The following TNNI3K variants were observed in gnomAD, a reference collection of about 807,000 sequenced individuals.
The protein encoded by TNNI3K is serine/threonine-protein kinase TNNI3K.
TNNI3K carries 140 observed loss-of-function variants against 114.5 expected under a neutral mutation model. The ratio of observed to expected loss-of-function variants is 1.22; its 90% CI spans 1.07 to 1.41. The LOEUF (loss-of-function observed/expected upper bound fraction) is 1.41. Among genes scored for constraint, TNNI3K ranks in the 40% most tolerant of loss-of-function variants. TNNI3K has a pLI of 0.00. For missense variants in TNNI3K, 1,125 were observed against 1,007.6 expected (o/e 1.12, Z -1.58); for synonymous variants, 347 against 347.5 (o/e 1.00, Z 0.02).
chr1:74,280,753 A>G (rs1164008928), intron 5 of TNNI3K, among the ~76,000 whole-genome samples: 1 of 152,190 alleles, frequency 6.6e-6, no homozygotes, highest in East Asian at 1.9e-4. Flanking sequence ...GACAGGCCTC[A>G]GGGACTACAG....
chr1:74,526,033 T>C (rs1180408109), intron 23 of TNNI3K, among the ~76,000 whole-genome samples: 1 of 152,214 alleles, frequency 6.6e-6, no homozygotes, highest in Non-Finnish European at 1.5e-5. Flanking sequence ...AGAGGTTTGG[T>C]ATACATTCGC....
intron 9 of TNNI3K, among the ~76,000 whole-genome samples, chr1:74,347,129 T>C (rs1414790743): frequency 1.3e-5 from 2 of 149,662 alleles, no homozygotes; most frequent in Non-Finnish European, 3.0e-5. Context: ...TACGTATATC[T>C]CCTAATGCTA....
intron 9 of TNNI3K, among the ~76,000 whole-genome samples, chr1:74,347,618 C>G (rs191568624): frequency 1.3e-5 from 2 of 152,180 alleles, no homozygotes; most frequent in Non-Finnish European, 2.9e-5. Flanking sequence ...GTCCCACCAA[C>G]AGTGTAAAAG....
At chr1:74,250,831 CTTT>C (rs11437074) in intron 4 of TNNI3K, 62 bp downstream of exon 4, 825 of 958,378 alleles carry the variant, frequency 8.6e-4, no homozygotes, top group South Asian at 2.0e-3. Context: ...TATCTTTAGG[CTTT>C]TTTTTTTTTT....
chr1:74,343,348 G>T (rs773785453), intron 9 of TNNI3K, among the ~76,000 whole-genome samples, 169 bp downstream of exon 9: 24 of 152,208 alleles, frequency 1.6e-4, no homozygotes, highest in Non-Finnish European at 3.5e-4. Context: ...GGAAGAAAAG[G>T]TGGAGGCAGA....
At chr1:74,507,942 G>A (rs1263003846) in intron 23 of TNNI3K, among the ~76,000 whole-genome samples, 2 of 152,158 alleles carry the variant, frequency 1.3e-5, no homozygotes, top group African/African-American at 2.4e-5. Flanking sequence ...AGTTTGCCAG[G>A]AACCAAAGAT....
At chr1:74,514,111 A>G (rs541911892) in intron 23 of TNNI3K, among the ~76,000 whole-genome samples, 105 of 152,356 alleles carry the variant, frequency 6.9e-4, no homozygotes, top group Non-Finnish European at 1.3e-3. Context: ...GCACACCAAA[A>G]TAGAAGCTTC....
chr1:74,320,623 T>C (rs921759435), intron 5 of TNNI3K, among the ~76,000 whole-genome samples: 2 of 152,214 alleles, frequency 1.3e-5, no homozygotes, highest in Non-Finnish European at 2.9e-5. Flanking sequence ...GATTTAATTG[T>C]TAATGTTGTC....
intron 21 of TNNI3K, chr1:74,483,395 C>T: frequency 1.4e-6 from 1 of 715,732 alleles, no homozygotes; most frequent in Non-Finnish European, 2.6e-6. Context: ...AAGTAGAGGG[C>T]AATGTATATC....
chr1:74,436,449 G>A (rs748056526), intron 18 of TNNI3K, 25 bp from the exon 19 acceptor site: 28 of 1,562,496 alleles, frequency 1.8e-5, no homozygotes, highest in Non-Finnish European at 2.2e-5. Context: ...TTCCTTTGAC[G>A]TGATTTATTT....
rs369101975 is a variant in TNNI3K, at chr1:74,281,621, A to G, written c.444+9913A>G. ...AGTTTCTTTTTCGATCTTTCAGCAG[A>G]ATATTCTTCTCATAAATTTGTTAAA... On this transcript the variant is annotated intron_variant, in intron 5 of 24. Transcript: ENST00000326637. Among the ~76,000 whole-genome samples the G allele has an allele frequency of 2.6e-3, 394 of 152,200 alleles. 3 individuals are homozygous for G. Among genetic ancestry groups the G allele is most frequent in the South Asian group, 0.024 (118 of 4,818 alleles).
At chr1:74,242,051 G>A (rs1482345049) in intron 2 of TNNI3K, among the ~76,000 whole-genome samples, 2 of 151,792 alleles carry the variant, frequency 1.3e-5, no homozygotes, top group East Asian at 3.9e-4. Flanking sequence ...GGGTTTCACT[G>A]TGTTAGCCAG....
intron 4 of TNNI3K, among the ~76,000 whole-genome samples, chr1:74,260,371 A>G (rs138847321): frequency 4.2e-4 from 64 of 152,250 alleles, no homozygotes; most frequent in Middle Eastern, 3.4e-3. Context: ...ACATTTGTTG[A>G]TATTATGTAG....
intron 5 of TNNI3K, among the ~76,000 whole-genome samples, chr1:74,296,609 C>T (rs1248661234): frequency 6.6e-6 from 1 of 151,912 alleles, no homozygotes; most frequent in Non-Finnish European, 1.5e-5. Context: ...CTTTAATGCA[C>T]ATATACTGGG....
intron 5 of TNNI3K, among the ~76,000 whole-genome samples, chr1:74,318,712 T>G (rs1659451758): frequency 6.6e-6 from 1 of 152,258 alleles, no homozygotes; most frequent in Non-Finnish European, 1.5e-5. Context: ...TCATCAAATT[T>G]ACATGTACCT....
At chr1:74,255,087 C>T (rs1336778175) in intron 4 of TNNI3K, among the ~76,000 whole-genome samples, 7 of 152,140 alleles carry the variant, frequency 4.6e-5, no homozygotes, top group Non-Finnish European at 1.0e-4. Flanking sequence ...CTGTAAACAT[C>T]TAGAGGTTAA....
chr1:74,371,931 A>C (rs1404629399), intron 17 of TNNI3K: 1 of 151,684 alleles, frequency 6.6e-6, no homozygotes, highest in Non-Finnish European at 1.5e-5. Flanking sequence ...GCAGAATTTC[A>C]CCGGTGGCAG....
At chr1:74,463,297 G>T in intron 20 of TNNI3K, 144 bp from the exon 21 acceptor site, 1 of 772,102 alleles carries the variant, frequency 1.3e-6, no homozygotes, top group South Asian at 1.7e-5. Flanking sequence ...AGACCATTGG[G>T]GGAAAAAAGC....
rs1427923257 is a variant in TNNI3K, at chr1:74,416,489, T to C, written c.1773-19591T>C. ...AGATTCTCCCAAAAGGTAGAGGCTTTACACTAGTAGGTGTGACAGTGGGAA... is the reference window on the plus strand; with the variant it reads ...AGATTCTCCCAAAAGGTAGAGGCTTCACACTAGTAGGTGTGACAGTGGGAA... On this transcript the variant is annotated intron_variant, in intron 17 of 24. Coordinates refer to ENST00000326637, the MANE Select transcript of TNNI3K (RefSeq NM_015978.3). 3.1e-6 allele frequency: 3 copies of C among 981,656 alleles called. No individual in the cohort carries two copies. The African/African-American group carries it at 5.2e-5, about 17-fold the overall frequency. 60.8% of individuals were successfully genotyped at this position (981,656 alleles called of 1,614,324 possible).
Sources: allele counts gnomAD v4.1 joint callset (sites outside exome capture counted in the v4.1 genomes callset), GRCh38; gene constraint gnomAD v4.1.1; transcripts MANE v1.5; gene names NCBI Gene and HGNC (gene_info 2026-07-23, HGNC 2026-07-21).